Variants in CDKAL1 observed in about 807,000 individuals in gnomAD.
CDKAL1 encodes CDKAL1 threonylcarbamoyladenosine tRNA methylthiotransferase.
A neutral mutation model predicts 68.2 loss-of-function variants in CDKAL1; 32 were observed. The observed-to-expected ratio is 0.47, with a 90% CI of 0.35 to 0.63. CDKAL1 has a LOEUF of 0.63. Ranked by LOEUF, CDKAL1 falls within the 30% of genes least tolerant of loss-of-function variation. The pLI is 0.00. For synonymous variants in CDKAL1, 234 were observed against 244.3 expected, an observed-to-expected ratio of 0.96 and a Z score of 0.39; for missense variants, 606 against 696.7, an observed-to-expected ratio of 0.87 and a Z score of 1.47.
At chr6:21,176,333 G>A (rs1225736208) in intron 13 of CDKAL1, among the ~76,000 whole-genome samples, 1 of 152,200 alleles carries the variant, frequency 6.6e-6, no homozygotes, top group South Asian at 2.1e-4. Flanking sequence ...TTGTTTATGC[G>A]TGTTTAATGC....
At chr6:20,639,924 C>T (rs1236133452) in intron 4 of CDKAL1, among the ~76,000 whole-genome samples, 1 of 152,274 alleles carries the variant, frequency 6.6e-6, no homozygotes, top group Non-Finnish European at 1.5e-5. Context: ...CCGCCTTGGC[C>T]TCCCAGAGTG....
At chr6:20,916,292 A>G (rs1277746905) in intron 9 of CDKAL1, among the ~76,000 whole-genome samples, 4 of 152,218 alleles carry the variant, frequency 2.6e-5, no homozygotes, top group African/African-American at 4.8e-5. Context: ...ACAAGATGAT[A>G]TCATTCGGGG....
chr6:21,111,776 C>T (rs1386436437), intron 13 of CDKAL1, among the ~76,000 whole-genome samples: 1 of 152,154 alleles, frequency 6.6e-6, no homozygotes, highest in Non-Finnish European at 1.5e-5. Flanking sequence ...GTTGCATGTC[C>T]ATTTCTTAAA....
At chr6:20,655,876 A>T (rs146514818) in intron 5 of CDKAL1, among the ~76,000 whole-genome samples, 4 of 152,288 alleles carry the variant, frequency 2.6e-5, no homozygotes, top group Admixed American at 2.6e-4. Flanking sequence ...TTGGTTTTGA[A>T]TGTGCTGTAT....
chr6:20,558,821 G>T (rs949554273), intron 4 of CDKAL1: 3 of 343,462 alleles, frequency 8.7e-6, no homozygotes, highest in South Asian at 6.8e-5. Context: ...AAGAGAATTA[G>T]GGCATGTTGT....
At chr6:20,611,068 T>C (rs1273928266) in intron 4 of CDKAL1, among the ~76,000 whole-genome samples, 1 of 152,208 alleles carries the variant, frequency 6.6e-6, no homozygotes, top group Non-Finnish European at 1.5e-5. Context: ...TTAAGAAATC[T>C]GGTGGCCATC....
intron 13 of CDKAL1, among the ~76,000 whole-genome samples, chr6:21,137,920 T>A (rs1456878437): frequency 6.6e-6 from 1 of 152,232 alleles, no homozygotes; most frequent in Non-Finnish European, 1.5e-5. Context: ...AGAACAACGC[T>A]CTGTGTAGCA....
At chr6:20,560,763 A>G (rs1431350751) in intron 4 of CDKAL1, among the ~76,000 whole-genome samples, 1 of 152,186 alleles carries the variant, frequency 6.6e-6, no homozygotes, top group Non-Finnish European at 1.5e-5. Flanking sequence ...CAGGATTTGC[A>G]GAGACTTTGC....
At chr6:20,548,355 G>A (rs1763684794) in intron 3 of CDKAL1, among the ~76,000 whole-genome samples, 1 of 151,854 alleles carries the variant, frequency 6.6e-6, no homozygotes, top group South Asian at 2.1e-4. Flanking sequence ...CAGTATAGTG[G>A]GCCACTGTCT....
rs72832342 is a variant in CDKAL1, at chr6:20,780,670, C to T, written c.518-475C>T. 4.9e-3 allele frequency among the ~76,000 whole-genome samples: 188 copies of T among 38,148 alleles called. 2 individuals carry two copies. Among genetic ancestry groups the T allele is most frequent in the Admixed American group, 5.0e-3 (18 of 3,608 alleles). The allele number at this position is 38,148 out of a possible 152,430, so 25.0% of individuals were successfully genotyped here. The stretch of plus-strand genomic sequence containing the variant: ...TTCTTGTTTTTTTTCATTTCTTTTT[C>T]TTTTTTTTTTTTTTTTTTTTTGAGA... On this transcript the variant is annotated intron_variant, in intron 7 of 15. Coordinates refer to ENST00000274695, the MANE Select transcript of CDKAL1 (RefSeq NM_017774.3).
intron 5 of CDKAL1, among the ~76,000 whole-genome samples, chr6:20,703,618 G>T (rs1771471327): frequency 6.6e-6 from 1 of 151,942 alleles, no homozygotes; most frequent in African/African-American, 2.4e-5. Context: ...GATGTCTTAG[G>T]GTACAATTGA....
intron 11 of CDKAL1, among the ~76,000 whole-genome samples, chr6:21,014,187 A>G (rs913922724): frequency 2.6e-5 from 4 of 152,234 alleles, no homozygotes; most frequent in African/African-American, 9.6e-5. Flanking sequence ...CTGCACGGAA[A>G]ACTAGAAAAT....
chr6:20,882,913 G>T (rs1472470170), intron 9 of CDKAL1, among the ~76,000 whole-genome samples: 1 of 152,082 alleles, frequency 6.6e-6, no homozygotes, highest in Non-Finnish European at 1.5e-5. Context: ...TAAGAACAAG[G>T]TTCAAAACTG....
At chr6:20,654,186 G>C (rs970816569) in intron 5 of CDKAL1, among the ~76,000 whole-genome samples, 5 of 152,144 alleles carry the variant, frequency 3.3e-5, no homozygotes, top group Non-Finnish European at 7.4e-5. Context: ...CCCGGCCTTT[G>C]TTGCATTTCT....
At chr6:20,653,618 A>AT (rs140223481) in intron 5 of CDKAL1, among the ~76,000 whole-genome samples, 29,262 of 138,334 alleles carry the variant, frequency 0.21, 3,796 homozygotes, top group East Asian at 0.38. Flanking sequence ...CACCCGGCTA[A>AT]TTTTTTTTTT....
intron 9 of CDKAL1, among the ~76,000 whole-genome samples, chr6:20,868,793 C>A (rs929408784): frequency 1.3e-5 from 2 of 152,072 alleles, no homozygotes; most frequent in South Asian, 2.1e-4. Flanking sequence ...CAGCATGGGC[C>A]GTGTGTTAGA....
At chr6:20,829,435 A>G (rs1242755813) in intron 8 of CDKAL1, among the ~76,000 whole-genome samples, 1 of 152,192 alleles carries the variant, frequency 6.6e-6, no homozygotes, top group African/African-American at 2.4e-5. Context: ...TTCGATTCCT[A>G]TATACTCAAT....
intron 9 of CDKAL1, among the ~76,000 whole-genome samples, chr6:20,924,823 C>T (rs1763114072): frequency 1.3e-5 from 2 of 152,196 alleles, no homozygotes; most frequent in African/African-American, 4.8e-5. Context: ...GATGAAGGCG[C>T]CTATGCTAAA....
intron 13 of CDKAL1, among the ~76,000 whole-genome samples, chr6:21,130,716 T>C (rs1775269539): frequency 6.6e-6 from 1 of 152,172 alleles, no homozygotes; most frequent in African/African-American, 2.4e-5. Flanking sequence ...GGCTTGACCT[T>C]TTTACTTGTC....
Sources: gnomAD v4.1 joint callset for allele counts (sites outside exome capture counted in the v4.1 genomes callset) on GRCh38, gnomAD v4.1.1 for gene constraint, MANE v1.5 for transcripts, NCBI Gene and HGNC (gene_info 2026-07-23, HGNC 2026-07-21) for gene names.